Variants in PRKCA observed in about 807,000 individuals in gnomAD.
PRKCA encodes the protein protein kinase C alpha, also known as protein kinase C alpha type.
A neutral mutation model predicts 87.0 loss-of-function variants in PRKCA; 27 were observed. The ratio of observed to expected loss-of-function variants is 0.31; its 90% CI spans 0.23 to 0.43. The LOEUF (loss-of-function observed/expected upper bound fraction) is 0.43, where lower values mean the gene tolerates loss of function less well. PRKCA is among the 20% of genes least tolerant of loss of function. The pLI is 1.00. For missense variants in PRKCA, 518 were observed against 852.3 expected (o/e 0.61, Z 4.88); for synonymous variants, 329 against 311.1 (o/e 1.06, Z -0.61).
chr17:66,407,873 A>G (rs952775986), intron 2 of PRKCA, among the ~76,000 whole-genome samples: 2 of 152,192 alleles, frequency 1.3e-5, no homozygotes, highest in African/African-American at 2.4e-5. Flanking sequence ...GAAAGTTTGG[A>G]TGTAACATAG....
chr17:66,781,914 G>A (rs1419153521), intron 14 of PRKCA, among the ~76,000 whole-genome samples: 1 of 145,826 alleles, frequency 6.9e-6, no homozygotes, highest in Non-Finnish European at 1.5e-5. Flanking sequence ...GTGTGTGTGT[G>A]TGTGAGTGAG....
intron 2 of PRKCA, among the ~76,000 whole-genome samples, chr17:66,464,720 C>T (rs1915008795): frequency 1.3e-5 from 2 of 152,116 alleles, no homozygotes; most frequent in South Asian, 4.1e-4. Flanking sequence ...TGTTTGTTTT[C>T]CTATTGCTGA....
chr17:66,518,237 A>G (rs559034512), intron 3 of PRKCA, among the ~76,000 whole-genome samples: 3 of 152,332 alleles, frequency 2.0e-5, no homozygotes, highest in Admixed American at 1.3e-4. Context: ...AAAAGCAAAC[A>G]TAAGCAGAGG....
chr17:66,370,834 T>A lies in PRKCA; in HGVS notation c.205+64707T>A, dbSNP rs1024044013. The stretch of plus-strand genomic sequence containing the variant: ...TTTTTCTGTTTTTCAGAGAAGAATA[T>A]TGATGCCTAGAGAAGTTAAGTTGCT... On this transcript the variant is annotated intron_variant, in intron 2 of 16. Transcript: ENST00000413366. Among the ~76,000 whole-genome samples the A allele has an allele frequency of 2.6e-5, 4 of 152,242 alleles. No individual in the cohort carries two copies. In the East Asian group the frequency reaches 7.7e-4, roughly 29 times the overall value.
At chr17:66,506,285 G>C (rs567693039) in intron 3 of PRKCA, among the ~76,000 whole-genome samples, 89 of 148,684 alleles carry the variant, frequency 6.0e-4, no homozygotes, top group African/African-American at 2.1e-3. Flanking sequence ...GACACGGTGA[G>C]ACCCCGTCTA....
chr17:66,677,434 C>T (rs969130477), intron 5 of PRKCA: 1 of 152,224 alleles, frequency 6.6e-6, no homozygotes, highest in African/African-American at 2.4e-5. Flanking sequence ...GTTCACATAT[C>T]GTCCGTGTCT....
chr17:66,566,270 G>T (rs1968886142), intron 3 of PRKCA, among the ~76,000 whole-genome samples: 2 of 152,100 alleles, frequency 1.3e-5, no homozygotes, highest in African/African-American at 2.4e-5. Context: ...GGGCTCTGTT[G>T]CCCATCTCAA....
At chr17:66,696,970 G>GT (rs1255344114) in intron 8 of PRKCA, among the ~76,000 whole-genome samples, 1 of 152,068 alleles carries the variant, frequency 6.6e-6, no homozygotes, top group African/African-American at 2.4e-5. Context: ...TGACTCCGCC[G>GT]TAAGCATCTG....
At chr17:66,748,838 C>T (rs936960553) in intron 13 of PRKCA, among the ~76,000 whole-genome samples, 8 of 151,194 alleles carry the variant, frequency 5.3e-5, no homozygotes, top group East Asian at 1.9e-4. Context: ...AGAGGGAGGG[C>T]GGGAAGGAGG....
chr17:66,627,933 A>G (rs1970902890), intron 3 of PRKCA, among the ~76,000 whole-genome samples: 1 of 152,232 alleles, frequency 6.6e-6, no homozygotes, highest in African/African-American at 2.4e-5. Context: ...CGAAGAGAAG[A>G]AAACCTCAGC....
chr17:66,763,068 G>A (rs930076447), intron 13 of PRKCA, among the ~76,000 whole-genome samples: 2 of 152,254 alleles, frequency 1.3e-5, no homozygotes, highest in African/African-American at 4.8e-5. Context: ...TGGGATTACA[G>A]GCATGAGCCA....
At chr17:66,587,762 T>C (rs1465177628) in intron 3 of PRKCA, among the ~76,000 whole-genome samples, 1 of 81,016 alleles carries the variant, frequency 1.2e-5, no homozygotes, top group Non-Finnish European at 2.6e-5. Flanking sequence ...TATGTATACA[T>C]ATATACGTAT....
intron 2 of PRKCA, among the ~76,000 whole-genome samples, chr17:66,422,430 C>T (rs1326605461): frequency 6.6e-6 from 1 of 152,132 alleles, no homozygotes; most frequent in Non-Finnish European, 1.5e-5. Context: ...TAGAGCATAG[C>T]GTAAGCCCTC....
In PRKCA at chr17:66,735,481, G is replaced by T; in HGVS notation, c.1057-8G>T. 6.2e-7 allele frequency: 1 copy of T among 1,614,146 alleles called. No homozygotes were observed. Among genetic ancestry groups the T allele is most frequent in the Non-Finnish European group, 8.5e-7 (1 of 1,180,028 alleles). Reference sequence around the variant, plus strand: ...CAAGTGTTCAGGTTGTTCTTGACGTGTTCTCAGGTGATGCTTGCCGACAGG... The same window carrying T: ...CAAGTGTTCAGGTTGTTCTTGACGTTTTCTCAGGTGATGCTTGCCGACAGG... On this transcript the variant is annotated splice_polypyrimidine_tract_variant and splice_region_variant and intron_variant, in intron 9 of 16. Transcript: ENST00000413366.
At chr17:66,641,095 T>A (rs774850947) in intron 3 of PRKCA, 5 of 378,884 alleles carry the variant, frequency 1.3e-5, no homozygotes, top group Non-Finnish European at 2.5e-5. Context: ...GAGGCGGAGG[T>A]TGCAGTGAGC....
intron 6 of PRKCA, 139 bp from the exon 7 acceptor site, chr17:66,688,163 A>C (rs147384283): frequency 9.5e-7 from 1 of 1,049,220 alleles, no homozygotes; most frequent in African/African-American, 1.6e-5. Context: ...GCTTGCCAGC[A>C]TAAGGGGTTG....
chr17:66,688,153 G>C, intron 6 of PRKCA, 149 bp from the exon 7 acceptor site: 1 of 919,164 alleles, frequency 1.1e-6, no homozygotes, highest in East Asian at 2.7e-5. Flanking sequence ...GTAGCGCTTT[G>C]CTTGCCAGCA....
chr17:66,461,200 C>T (rs1202555287), intron 2 of PRKCA, among the ~76,000 whole-genome samples: 4 of 117,408 alleles, frequency 3.4e-5, no homozygotes, highest in South Asian at 5.6e-4. Context: ...AATGAGACCC[C>T]ATCTCAAAAA....
chr17:66,306,599 A>G (rs1904829996), intron 2 of PRKCA, among the ~76,000 whole-genome samples: 2 of 152,156 alleles, frequency 1.3e-5, no homozygotes, highest in African/African-American at 4.8e-5. Context: ...CAAAGTTTGC[A>G]TGTTTTAAAG....
Sources: allele counts gnomAD v4.1 joint callset (sites outside exome capture counted in the v4.1 genomes callset), GRCh38; gene constraint gnomAD v4.1.1; transcripts MANE v1.5; gene names NCBI Gene and HGNC (gene_info 2026-07-23, HGNC 2026-07-21).